The following RNPC3 variants were observed in gnomAD, a reference collection of about 807,000 sequenced individuals.
The protein encoded by RNPC3 is RNA binding region (RNP1, RRM) containing 3.
In RNPC3, 48 loss-of-function variants were observed where a neutral mutation model predicts 67.5. The observed-to-expected ratio is 0.71, with a 90% CI of 0.56 to 0.90. The LOEUF is 0.90. Among genes scored for constraint, RNPC3 ranks in the 40% least tolerant of loss-of-function variants. The pLI, the probability that RNPC3 is intolerant of heterozygous loss-of-function variation, is 0.00. For missense variants in RNPC3, 637 were observed against 626.1 expected (o/e 1.02, Z -0.19); for synonymous variants, 239 against 210.3 (o/e 1.14, Z -1.18).
intron 5 of RNPC3, 89 bp from the exon 6 acceptor site, chr1:103,536,037 A>G (rs934975826): frequency 2.2e-6 from 2 of 928,498 alleles, no homozygotes; most frequent in Non-Finnish European, 3.3e-6. Flanking sequence ...CTCAATAAAT[A>G]GTGTTATAGC....
At chr1:103,550,053 A>AC (rs1213100956) in intron 12 of RNPC3, among the ~76,000 whole-genome samples, 1 of 151,748 alleles carries the variant, frequency 6.6e-6, no homozygotes, top group Non-Finnish European at 1.5e-5. Flanking sequence ...AATCCCAGCT[A>AC]CCCGGGGGGC....
intron 7 of RNPC3, among the ~76,000 whole-genome samples, chr1:103,538,594 C>G (rs1343201786): frequency 6.6e-6 from 1 of 152,162 alleles, no homozygotes. Context: ...ATGTTGTAAA[C>G]AAAGACTTCC....
At chr1:103,531,263 G>A (rs1406260412) in intron 2 of RNPC3, among the ~76,000 whole-genome samples, 2 of 151,836 alleles carry the variant, frequency 1.3e-5, no homozygotes, top group African/African-American at 4.8e-5. Context: ...TGGGCATTTG[G>A]GCTGGTTCCG....
chr1:103,548,009 CT>C (rs1651287887), intron 12 of RNPC3, among the ~76,000 whole-genome samples: 1 of 152,164 alleles, frequency 6.6e-6, no homozygotes, highest in African/African-American at 2.4e-5. Context: ...CACCCAAGCT[CT>C]TTGTTGGCCC....
At chr1:103,530,029 T>A (rs2101042105) in intron 2 of RNPC3, among the ~76,000 whole-genome samples, 1 of 151,822 alleles carries the variant, frequency 6.6e-6, no homozygotes, top group East Asian at 1.9e-4. Context: ...CCGAGATGAA[T>A]CAGTTTCATC....
intron 2 of RNPC3, among the ~76,000 whole-genome samples, chr1:103,530,059 A>AC (rs1016475086): frequency 1.0e-5 from 1 of 97,800 alleles, no homozygotes; most frequent in Non-Finnish European, 1.9e-5. Flanking sequence ...TCTTCTCCCC[A>AC]CCCCCCACCC....
chr1:103,534,314 T>G (rs2101044482), intron 3 of RNPC3, among the ~76,000 whole-genome samples: 1 of 152,038 alleles, frequency 6.6e-6, no homozygotes, highest in Admixed American at 6.6e-5. Flanking sequence ...ATACAGAACC[T>G]TGAGCTTTAA....
chr1:103,539,519 C>A (rs984047229), intron 7 of RNPC3, among the ~76,000 whole-genome samples: 1 of 152,188 alleles, frequency 6.6e-6, no homozygotes, highest in Non-Finnish European at 1.5e-5. Flanking sequence ...ACTTCACTTT[C>A]TTTATAAAAA....
At chr1:103,545,360 T>C (rs1183451468) in intron 10 of RNPC3, 1 of 289,976 alleles carries the variant, frequency 3.4e-6, no homozygotes, top group Non-Finnish European at 6.4e-6. Flanking sequence ...AACTTTCATG[T>C]GGCATTTAAA....
chr1:103,550,824 GC>G, intron 12 of RNPC3, 116 bp from the exon 13 acceptor site: 4 of 915,356 alleles, frequency 4.4e-6, no homozygotes, highest in Non-Finnish European at 5.1e-6. Context: ...TAATTGACGT[GC>G]CTATCAAATA....
At chr1:103,543,270 C>T in intron 8 of RNPC3, 26 bp from the exon 9 acceptor site, 1 of 1,364,736 alleles carries the variant, frequency 7.3e-7, no homozygotes, top group Non-Finnish European at 9.4e-7. Context: ...CAATTACAAA[C>T]TAATGCTATG....
In RNPC3 at chr1:103,536,014, G is replaced by T. The variant is rs1409077228; in HGVS notation, c.556-112G>T. The T allele has an allele frequency of 9.7e-6, 7 of 721,220 alleles. No homozygotes were observed. The Admixed American group carries it at 1.0e-4, about 10-fold the overall frequency. The allele number at this position is 721,220 out of a possible 1,614,324, so 44.7% of individuals were successfully genotyped here. A position where few individuals can be genotyped will look rare whatever the true frequency, so the allele number is the denominator to read the frequency against. ...GATTTTAAAGGCAAGAGATGGGCAG[G>T]TCTTCCTTTACACTCAATAAATAGT... is the stretch of plus-strand genomic sequence containing the variant. On this transcript the variant is annotated intron_variant, in intron 5 of 14. Transcript: ENST00000423855.
Position 103,541,482 on chromosome 1 carries a change from T to A in RNPC3, c.893+7T>A, listed in dbSNP as rs776314265. The A allele has an allele frequency of 1.1e-5, 16 of 1,481,394 alleles. No individual in the cohort carries two copies. Among genetic ancestry groups the A allele is most frequent in the African/African-American group, 1.5e-5 (1 of 68,396 alleles). 91.8% of individuals were successfully genotyped at this position (1,481,394 alleles called of 1,614,324 possible). A position where few individuals can be genotyped will look rare whatever the true frequency, so the allele number is the denominator to read the frequency against. ...CTTTGTGTCCTTCACACAGGTAATT[T>A]TATTTGAACTAAGAAATGAGGGTTG... is the stretch of plus-strand genomic sequence containing the variant. On this transcript the variant is annotated splice_region_variant and intron_variant, in intron 8 of 14. Coordinates refer to ENST00000423855, the MANE Select transcript of RNPC3 (RefSeq NM_017619.4).
chr1:103,530,307 T>A (rs1238202704), intron 2 of RNPC3, among the ~76,000 whole-genome samples: 4 of 152,236 alleles, frequency 2.6e-5, no homozygotes, highest in Middle Eastern at 3.4e-3. Context: ...AGTAGAGCAA[T>A]AAGATCAGGA....
At chr1:103,533,674 T>A in intron 2 of RNPC3, 65 bp from the exon 3 acceptor site, 1 of 816,556 alleles carries the variant, frequency 1.2e-6, no homozygotes, top group Non-Finnish European at 1.9e-6. Flanking sequence ...AGTATAAAAA[T>A]TGGTCTCTAA....
intron 10 of RNPC3, 198 bp downstream of exon 10, chr1:103,545,300 T>C: frequency 2.3e-6 from 1 of 436,520 alleles, no homozygotes. Flanking sequence ...TTCCTTTCCA[T>C]ACAGTGTTTC....
At chr1:103,551,885 CTTTT>C (rs74262182) in intron 14 of RNPC3, 93 bp downstream of exon 14, 53 of 473,806 alleles carry the variant, frequency 1.1e-4, no homozygotes, top group East Asian at 2.8e-4. Flanking sequence ...TCAGGTATCT[CTTTT>C]TTTTTTTTTT....
At chr1:103,544,086 C>T (rs1016234180) in intron 9 of RNPC3, among the ~76,000 whole-genome samples, 1 of 151,618 alleles carries the variant, frequency 6.6e-6, no homozygotes, top group South Asian at 2.1e-4. Flanking sequence ...AAAAAGTTAA[C>T]ACCTCAAACC....
chr1:103,537,843 A>G (rs1651023361), intron 7 of RNPC3, among the ~76,000 whole-genome samples: 1 of 151,712 alleles, frequency 6.6e-6, no homozygotes, highest in African/African-American at 2.4e-5. Flanking sequence ...ATTTATTATT[A>G]TTATTATTAT....
Sources: allele counts gnomAD v4.1 joint callset (sites outside exome capture counted in the v4.1 genomes callset), GRCh38; gene constraint gnomAD v4.1.1; transcripts MANE v1.5; gene names NCBI Gene and HGNC (gene_info 2026-07-23, HGNC 2026-07-21).